The following ABCA13 variants were observed in gnomAD, a reference collection of about 807,000 sequenced individuals.
ABCA13 encodes ATP binding cassette subfamily A member 13, also known as ATP-binding cassette sub-family A member 13.
A neutral mutation model predicts 478.7 loss-of-function variants in ABCA13; 476 were observed. The ratio of observed to expected loss-of-function variants is 0.99; its 90% CI spans 0.92 to 1.07. ABCA13 has a LOEUF of 1.07. Ranked by LOEUF, ABCA13 falls within the 50% of genes least tolerant of loss-of-function variation. The probability of loss-of-function intolerance (pLI) is 0.00; values close to 1 mark genes in which losing one functional copy is unlikely to be tolerated. For synonymous variants in ABCA13, 2,252 were observed against 2,158.9 expected (o/e 1.04, Z -1.20); for missense variants, 6,060 against 5,910.6 (o/e 1.03, Z -0.83).
At chr7:48,329,679 A>G (rs971315272) in intron 27 of ABCA13, among the ~76,000 whole-genome samples, 3 of 151,874 alleles carry the variant, frequency 2.0e-5, no homozygotes, top group Non-Finnish European at 4.4e-5. Context: ...CCATTTATCT[A>G]TCCATAAAAT....
rs181270164 is a variant in ABCA13 at position 48,429,816 on chromosome 7, A to T, written c.12565+1945A>T. Among the ~76,000 whole-genome samples the T allele has an allele frequency of 4.1e-3, 626 of 152,220 alleles. 1 individual carries two copies. The highest frequency in any genetic ancestry group is 6.5e-3 in the Non-Finnish European group (445 of 68,006). On this transcript the variant is annotated intron_variant, in intron 42 of 61. Coordinates refer to ENST00000435803, the MANE Select transcript of ABCA13 (RefSeq NM_152701.5). ...TGCTTTCTCTGCATCTATTGAGATGATCATTTGTTTTTTGTTTATTTATTT... is the reference window on the plus strand; with the variant it reads ...TGCTTTCTCTGCATCTATTGAGATGTTCATTTGTTTTTTGTTTATTTATTT...
intron 31 of ABCA13, among the ~76,000 whole-genome samples, chr7:48,365,973 T>C (rs1811601498): frequency 6.6e-6 from 1 of 152,054 alleles, no homozygotes. Context: ...ACCAATGACA[T>C]TCCTCACAGA....
chr7:48,498,452 C>A (rs1830462025), intron 48 of ABCA13, among the ~76,000 whole-genome samples: 1 of 152,042 alleles, frequency 6.6e-6, no homozygotes, highest in Admixed American at 6.6e-5. Flanking sequence ...TCTCAGGGCA[C>A]CATCATCTTG....
chr7:48,512,361 C>A (rs554709661), intron 51 of ABCA13, among the ~76,000 whole-genome samples: 1 of 152,004 alleles, frequency 6.6e-6, no homozygotes, highest in African/African-American at 2.4e-5. Flanking sequence ...TTAATTTTAG[C>A]CATTATTGTT....
chr7:48,459,144 C>A (rs1378054704), intron 43 of ABCA13, among the ~76,000 whole-genome samples: 1 of 152,178 alleles, frequency 6.6e-6, no homozygotes. Flanking sequence ...GCGAGCAGCA[C>A]AGAGCAGCCC....
At chr7:48,199,389 C>A (rs1485432895) in intron 3 of ABCA13, among the ~76,000 whole-genome samples, 2 of 152,246 alleles carry the variant, frequency 1.3e-5, no homozygotes, top group Admixed American at 6.5e-5. Context: ...TGGTGAGAAC[C>A]CTTTCCATTA....
rs1333417637 is a variant in ABCA13 at position 48,614,965 on chromosome 7, G to T, written c.14745-320G>T. On this transcript the variant is annotated intron_variant, in intron 58 of 61. Coordinates refer to ENST00000435803, the MANE Select transcript of ABCA13 (RefSeq NM_152701.5). ...ACGAGTTAATGGGTGCAGCACACCA[G>T]CATGGCACATGTATACATATGTAAC... Among the ~76,000 whole-genome samples the T allele has an allele frequency of 1.3e-5, 2 of 149,678 alleles. 1 individual carries two copies. Among genetic ancestry groups the T allele is most frequent in the South Asian group, 4.3e-4 (2 of 4,630 alleles).
At chr7:48,569,386 G>C (rs1787386106) in intron 55 of ABCA13, among the ~76,000 whole-genome samples, 1 of 152,110 alleles carries the variant, frequency 6.6e-6, no homozygotes, top group African/African-American at 2.4e-5. Flanking sequence ...TTATGAAATA[G>C]TATGTTGTTT....
At position 48,427,956 on chromosome 7, in the gene ABCA13, T is replaced by C; in HGVS notation, c.12565+85T>C. 3.1e-6 allele frequency: 3 copies of C among 955,438 alleles called. No homozygotes were observed. The South Asian group carries it at 5.7e-5, about 18-fold the overall frequency. 59.2% of individuals were successfully genotyped at this position (955,438 alleles called of 1,614,324 possible). A position where few individuals can be genotyped will look rare whatever the true frequency, so the allele number is the denominator to read the frequency against. On this transcript the variant is annotated intron_variant, in intron 42 of 61. Transcript: ENST00000435803. The stretch of plus-strand genomic sequence containing the variant: ...AACATCCCTTGTTTTAAAAGTTGTA[T>C]AGCAAGGTTCTGAAGTTAGTGAGGA...
intron 1 of ABCA13, among the ~76,000 whole-genome samples, chr7:48,191,220 C>A (rs1797061898): frequency 6.6e-6 from 1 of 152,140 alleles, no homozygotes; most frequent in African/African-American, 2.4e-5. Flanking sequence ...CCTGAGCGTC[C>A]TTGACCTTTC....
chr7:48,609,398 A>G (rs1006123023), intron 58 of ABCA13, among the ~76,000 whole-genome samples: 7 of 152,176 alleles, frequency 4.6e-5, no homozygotes, highest in African/African-American at 7.2e-5. Context: ...GGGGAAGCTT[A>G]TGATTTATCC....
chr7:48,606,607 T>A (rs868363999), intron 58 of ABCA13, among the ~76,000 whole-genome samples: 2 of 152,160 alleles, frequency 1.3e-5, no homozygotes, highest in African/African-American at 4.8e-5. Flanking sequence ...GAGGGTCACC[T>A]ACCAAATACC....
intron 55 of ABCA13, among the ~76,000 whole-genome samples, chr7:48,540,468 T>G (rs188327621): frequency 6.6e-6 from 1 of 152,294 alleles, no homozygotes; most frequent in Admixed American, 6.5e-5. Context: ...TAATTATATT[T>G]TAACCTTGAT....
At chr7:48,593,794 A>T (rs763051179) in intron 57 of ABCA13, among the ~76,000 whole-genome samples, 1 of 149,300 alleles carries the variant, frequency 6.7e-6, no homozygotes, top group Non-Finnish European at 1.5e-5. Context: ...GAAATTCTTT[A>T]TCTCTTTTTT....
chr7:48,454,461 G>A (rs1825403826), intron 42 of ABCA13, among the ~76,000 whole-genome samples: 1 of 152,242 alleles, frequency 6.6e-6, no homozygotes, highest in Non-Finnish European at 1.5e-5. Flanking sequence ...GGATCGCTCT[G>A]ATAGCTGAGG....
At chr7:48,546,750 A>G (rs976770880) in intron 55 of ABCA13, among the ~76,000 whole-genome samples, 8 of 151,700 alleles carry the variant, frequency 5.3e-5, no homozygotes, top group African/African-American at 9.7e-5. Flanking sequence ...TCTAAGTATT[A>G]TGTATATAAT....
intron 59 of ABCA13, among the ~76,000 whole-genome samples, chr7:48,633,529 G>A (rs1309193042): frequency 6.6e-6 from 1 of 152,030 alleles, no homozygotes; most frequent in Non-Finnish European, 1.5e-5. Context: ...CAGCCATAAA[G>A]CCAGTCTCAA....
At chr7:48,512,796 G>C (rs1831805957) in intron 51 of ABCA13, among the ~76,000 whole-genome samples, 1 of 152,120 alleles carries the variant, frequency 6.6e-6, no homozygotes, top group Non-Finnish European at 1.5e-5. Context: ...AGAATTTCTG[G>C]AGATTCACAG....
At chr7:48,374,105 G>A (rs1222939108) in intron 33 of ABCA13, among the ~76,000 whole-genome samples, 2 of 152,146 alleles carry the variant, frequency 1.3e-5, no homozygotes, top group African/African-American at 4.8e-5. Context: ...CAAGCATCTC[G>A]GTAAAGAGAA....
Sources: gnomAD v4.1 joint callset for allele counts (sites outside exome capture counted in the v4.1 genomes callset) on GRCh38, gnomAD v4.1.1 for gene constraint, MANE v1.5 for transcripts, NCBI Gene and HGNC (gene_info 2026-07-23, HGNC 2026-07-21) for gene names.